Variants in GPC6 observed in about 807,000 individuals in gnomAD.
The protein encoded by GPC6 is glypican-6.
A neutral mutation model predicts 55.2 loss-of-function variants in GPC6; 14 were observed. That is an observed-to-expected ratio of 0.25 (90% CI 0.17 to 0.40). The LOEUF is 0.40. Among genes scored for constraint, GPC6 ranks in the 10% least tolerant of loss-of-function variants. The pLI is 1.00. For missense variants in GPC6, 641 were observed against 708.5 expected, an observed-to-expected ratio of 0.90 and a Z score of 1.08; for synonymous variants, 278 against 259.6, an observed-to-expected ratio of 1.07 and a Z score of -0.68.
chr13:93,353,944 G>A (rs1566313281), intron 1 of GPC6, among the ~76,000 whole-genome samples: 1 of 152,150 alleles, frequency 6.6e-6, no homozygotes, highest in African/African-American at 2.4e-5. Flanking sequence ...AGTCACAAAG[G>A]TGTGTTTTTT....
chr13:93,698,827 T>C (rs1882568767), intron 2 of GPC6, among the ~76,000 whole-genome samples: 1 of 152,028 alleles, frequency 6.6e-6, no homozygotes, highest in Non-Finnish European at 1.5e-5. Context: ...TCCTCCTCCT[T>C]CTTCCTTTTT....
intron 1 of GPC6, among the ~76,000 whole-genome samples, chr13:93,310,266 C>T (rs1043318178): frequency 2.6e-5 from 4 of 152,200 alleles, no homozygotes; most frequent in South Asian, 2.1e-4. Flanking sequence ...CTGGAGAAAC[C>T]GTATAAAAAA....
At chr13:93,267,394 T>G (rs913365273) in intron 1 of GPC6, among the ~76,000 whole-genome samples, 2 of 73,156 alleles carry the variant, frequency 2.7e-5, no homozygotes, top group African/African-American at 9.1e-5. Flanking sequence ...CAGGAGAGGG[T>G]TTTTTTTTTT....
intron 3 of GPC6, among the ~76,000 whole-genome samples, chr13:93,958,608 T>G (rs1055277424): frequency 1.3e-5 from 2 of 152,204 alleles, no homozygotes; most frequent in Non-Finnish European, 2.9e-5. Context: ...CCTTATAGTA[T>G]AGTTCAAAGT....
chr13:93,448,775 T>C (rs918816589), intron 1 of GPC6, among the ~76,000 whole-genome samples: 22 of 152,296 alleles, frequency 1.4e-4, no homozygotes, highest in African/African-American at 5.1e-4. Flanking sequence ...CATCCAGTAA[T>C]AAATGTCTTG....
At chr13:93,836,345 T>G (rs1005901043) in intron 3 of GPC6, among the ~76,000 whole-genome samples, 1 of 152,234 alleles carries the variant, frequency 6.6e-6, no homozygotes, top group Non-Finnish European at 1.5e-5. Flanking sequence ...TAGCGTTTGC[T>G]TTTGAGAAAG....
intron 3 of GPC6, among the ~76,000 whole-genome samples, chr13:93,856,321 G>A (rs1888608935): frequency 6.6e-6 from 1 of 151,596 alleles, no homozygotes; most frequent in South Asian, 2.1e-4. Context: ...TTGAGGATAA[G>A]GCAGGATGTC....
At chr13:93,362,517 T>C (rs932308841) in intron 1 of GPC6, among the ~76,000 whole-genome samples, 1 of 152,106 alleles carries the variant, frequency 6.6e-6, no homozygotes, top group African/African-American at 2.4e-5. Flanking sequence ...CCCAAATATA[T>C]TAAATATTGT....
chr13:94,047,425 CT>C (rs1883771189), intron 4 of GPC6, among the ~76,000 whole-genome samples: 1 of 151,968 alleles, frequency 6.6e-6, no homozygotes, highest in Non-Finnish European at 1.5e-5. Context: ...CAGCATCCAT[CT>C]GTTTTCATTC....
chr13:93,584,189 C>T (rs765955469), intron 2 of GPC6, among the ~76,000 whole-genome samples: 2 of 152,064 alleles, frequency 1.3e-5, no homozygotes, highest in Admixed American at 6.5e-5. Context: ...ATAACAGCAT[C>T]GAAGAAACAT....
At chr13:94,278,455 A>G (rs1433168027) in intron 4 of GPC6, among the ~76,000 whole-genome samples, 2 of 152,186 alleles carry the variant, frequency 1.3e-5, no homozygotes, top group African/African-American at 4.8e-5. Context: ...TGCCCTGGCC[A>G]GAGCTTCTGA....
chr13:93,217,815 C>T, the GPC6 span, among the ~76,000 whole-genome samples: 26 of 152,234 alleles, frequency 1.7e-4, no homozygotes, highest in East Asian at 3.5e-3. Context: ...AAATAGAGCC[C>T]TATTCATTAT....
chr13:93,285,645 T>C (rs1284839471), intron 1 of GPC6, among the ~76,000 whole-genome samples: 1 of 151,446 alleles, frequency 6.6e-6, no homozygotes, highest in Admixed American at 6.6e-5. Context: ...TGTGTGTGTG[T>C]GTGTGTGTGT....
chr13:94,211,336 T>A (rs1438439646), intron 4 of GPC6, among the ~76,000 whole-genome samples: 1 of 152,206 alleles, frequency 6.6e-6, no homozygotes, highest in African/African-American at 2.4e-5. Context: ...TAACTAAGAT[T>A]AAGTGCCTGA....
At chr13:93,646,870 A>C (rs77269763) in intron 2 of GPC6, among the ~76,000 whole-genome samples, 21 of 149,170 alleles carry the variant, frequency 1.4e-4, no homozygotes, top group Admixed American at 7.4e-4. Flanking sequence ...AAAAAAAAAA[A>C]CAAAAAAAAC....
intron 4 of GPC6, among the ~76,000 whole-genome samples, chr13:94,089,363 T>G (rs767670561): frequency 2.0e-5 from 3 of 152,130 alleles, no homozygotes; most frequent in South Asian, 2.1e-4. Context: ...GTCTGTGATT[T>G]TGATCATGCA....
At chr13:94,067,342 T>C (rs1339323918) in intron 4 of GPC6, among the ~76,000 whole-genome samples, 3 of 152,172 alleles carry the variant, frequency 2.0e-5, no homozygotes, top group Non-Finnish European at 4.4e-5. Flanking sequence ...AGCAAAGATA[T>C]TTGATCAAGA....
intron 4 of GPC6, among the ~76,000 whole-genome samples, chr13:94,134,508 T>C (rs1445727368): frequency 6.6e-6 from 1 of 152,250 alleles, no homozygotes; most frequent in Non-Finnish European, 1.5e-5. Flanking sequence ...TTTTATTTAT[T>C]CTTTAGAACA....
chr13:94,100,623 G>C (rs925276426), intron 4 of GPC6, among the ~76,000 whole-genome samples: 4 of 152,156 alleles, frequency 2.6e-5, no homozygotes, highest in Non-Finnish European at 5.9e-5. Flanking sequence ...ACTTTCTAGG[G>C]ATCTGAACTT....
Sources: gnomAD v4.1 joint callset for allele counts (sites outside exome capture counted in the v4.1 genomes callset) on GRCh38, gnomAD v4.1.1 for gene constraint, MANE v1.5 for transcripts, NCBI Gene and HGNC (gene_info 2026-07-23, HGNC 2026-07-21) for gene names.